The following IGFBP2 variants were observed in gnomAD, a reference collection of about 807,000 sequenced individuals.
The protein encoded by IGFBP2 is insulin-like growth factor-binding protein 2.
A neutral mutation model predicts 26.2 loss-of-function variants in IGFBP2; 12 were observed. That is an observed-to-expected ratio of 0.46 (90% CI 0.29 to 0.74). The LOEUF (loss-of-function observed/expected upper bound fraction) is 0.74, where lower values mean the gene tolerates loss of function less well. IGFBP2 is among the 30% of genes least tolerant of loss of function. The pLI is 0.09. For synonymous variants in IGFBP2, 189 were observed against 200.6 expected (o/e 0.94, Z 0.49); for missense variants, 328 against 441.2 (o/e 0.74, Z 2.30).
chr2:216,638,417 A>G (rs373547692), intron 1 of IGFBP2, among the ~76,000 whole-genome samples: 5 of 151,824 alleles, frequency 3.3e-5, no homozygotes, highest in African/African-American at 1.2e-4. Context: ...AGGTAGGAGA[A>G]TCGCTTGAAC....
chr2:216,638,835 G>A (rs1040859509), intron 1 of IGFBP2, among the ~76,000 whole-genome samples: 22 of 150,832 alleles, frequency 1.5e-4, no homozygotes, highest in African/African-American at 5.4e-4. Context: ...GAGTAGTTGG[G>A]ACTACAGGCA....
At chr2:216,660,430 G>C in intron 1 of IGFBP2, 127 bp from the exon 2 acceptor site, 1 of 656,672 alleles carries the variant, frequency 1.5e-6, no homozygotes. Context: ...GCCCTGACAG[G>C]CCATCAGCAC....
chr2:216,643,659 A>T (rs1697656135), intron 1 of IGFBP2, among the ~76,000 whole-genome samples: 1 of 150,572 alleles, frequency 6.6e-6, no homozygotes, highest in African/African-American at 2.5e-5. Context: ...ACCATAGCTG[A>T]TGAGCTAAAA....
chr2:216,634,905 T>TG (rs1697463540), intron 1 of IGFBP2, among the ~76,000 whole-genome samples: 1 of 109,520 alleles, frequency 9.1e-6, no homozygotes, highest in Non-Finnish European at 1.9e-5. Flanking sequence ...TTTTTTTTTT[T>TG]TAATTACGAA....
chr2:216,663,643 GTC>G (rs1420647117), intron 3 of IGFBP2: 1 of 310,954 alleles, frequency 3.2e-6, no homozygotes, highest in African/African-American at 2.1e-5. Context: ...TGGGGACTGA[GTC>G]TTTTCATCTT....
At chr2:216,648,712 G>A (rs536202840) in intron 1 of IGFBP2, among the ~76,000 whole-genome samples, 69 of 152,138 alleles carry the variant, frequency 4.5e-4, no homozygotes, top group African/African-American at 1.4e-3. Context: ...GGGTTCAAGC[G>A]ATTCTTCTGC....
At chr2:216,647,411 G>T (rs888203699) in intron 1 of IGFBP2, among the ~76,000 whole-genome samples, 1 of 152,214 alleles carries the variant, frequency 6.6e-6, no homozygotes, top group African/African-American at 2.4e-5. Flanking sequence ...CAGCTTTTTG[G>T]CAATGGACTC....
At chr2:216,658,055 CAGGGTTCATTG>C (rs1697951967) in intron 1 of IGFBP2, among the ~76,000 whole-genome samples, 1 of 152,176 alleles carries the variant, frequency 6.6e-6, no homozygotes, top group Admixed American at 6.5e-5. Flanking sequence ...TGGAAATCCC[CAGGGTTCATTG>C]AGGGGCATTC....
chr2:216,647,542 C>T (rs1697733742), intron 1 of IGFBP2, among the ~76,000 whole-genome samples: 1 of 152,110 alleles, frequency 6.6e-6, no homozygotes, highest in African/African-American at 2.4e-5. Context: ...TATTTTGAGA[C>T]AGAGTCCCCC....
chr2:216,654,589 A>G (rs1050192487), intron 1 of IGFBP2, among the ~76,000 whole-genome samples: 1 of 151,960 alleles, frequency 6.6e-6, no homozygotes, highest in African/African-American at 2.4e-5. Context: ...TGCCTGGTCA[A>G]CTCTTTCATT....
intron 1 of IGFBP2, among the ~76,000 whole-genome samples, chr2:216,634,921 C>T (rs1445203523): frequency 4.1e-5 from 3 of 72,570 alleles, no homozygotes; most frequent in Non-Finnish European, 9.0e-5. Context: ...ACGAAAGCCT[C>T]CTGCCCCAGT....
chr2:216,636,003 A>G (rs9341103), intron 1 of IGFBP2, among the ~76,000 whole-genome samples: 2 of 151,866 alleles, frequency 1.3e-5, no homozygotes, highest in Non-Finnish European at 2.9e-5. Context: ...GAAGTGACCA[A>G]TGTCAGGGGT....
At chr2:216,646,003 A>G (rs1057446433) in intron 1 of IGFBP2, among the ~76,000 whole-genome samples, 13 of 152,256 alleles carry the variant, frequency 8.5e-5, no homozygotes, top group Non-Finnish European at 5.9e-5. Context: ...TTGATGTGAT[A>G]TACTATCAGA....
At chr2:216,659,598 A>C in intron 1 of IGFBP2, 5 of 760,866 alleles carry the variant, frequency 6.6e-6, no homozygotes, top group Non-Finnish European at 9.0e-6. Flanking sequence ...CTTTGGCTGG[A>C]CGTGCCTCAG....
Position 216,633,658 on chromosome 2 carries a change from C to A in IGFBP2, c.135C>A (p.Cys45Ter). The change falls in exon 1 of 4, where the codon TGC (cysteine) becomes TGA (stop). Residue 45 changes from cysteine (C) to a stop codon, truncating the protein, a stop_gained. Coordinates refer to ENST00000233809, the MANE Select transcript of IGFBP2 (RefSeq NM_000597.3). LOFTEE classifies it high-confidence loss of function. ...AGGTGCTGTTCCGCTGCCCGCCCTG[C>A]ACACCCGAGCGCCTGGCCGCCTGCG... ...RAEVLFRCPP[C>*]TPERLAACGP... 1 of 1,094,092 alleles carries A rather than the reference C, an allele frequency of 9.1e-7. No individual in the cohort carries two copies. The highest frequency in any genetic ancestry group is 1.1e-6 in the Non-Finnish European group (1 of 903,418). The allele number at this position is 1,094,092 out of a possible 1,614,324, so 67.8% of individuals were successfully genotyped here.
chr2:216,637,841 A>G (rs1697530051), intron 1 of IGFBP2, among the ~76,000 whole-genome samples: 1 of 152,248 alleles, frequency 6.6e-6, no homozygotes, highest in Non-Finnish European at 1.5e-5. Context: ...CTGAGCTTCA[A>G]GACTTTCAGG....
At position 216,661,902 on chromosome 2, in the gene IGFBP2, C is replaced by T; in HGVS notation, c.717C>T (p.Ser239=). The T allele has an allele frequency of 3.7e-6, 6 of 1,614,234 alleles. No individual in the cohort carries two copies. Among genetic ancestry groups the T allele is most frequent in the Non-Finnish European group, 5.1e-6 (6 of 1,180,036 alleles). Residue 239 remains serine, a synonymous_variant, in exon 3 of 4, where the codon TCC becomes TCT. Transcript: ENST00000233809. ...TGGACCAGGTCCTGGAGCGGATCTCCACCATGCGCCTTCCGGATGAGCGGG... is the reference window on the plus strand; with the variant it reads ...TGGACCAGGTCCTGGAGCGGATCTCTACCATGCGCCTTCCGGATGAGCGGG... The part of the protein sequence containing the change: ...QELDQVLERI[S]TMRLPDERGP...
At chr2:216,640,448 C>T (rs1179728503) in intron 1 of IGFBP2, among the ~76,000 whole-genome samples, 1 of 152,142 alleles carries the variant, frequency 6.6e-6, no homozygotes, top group Admixed American at 6.5e-5. Flanking sequence ...ATTCTAGATC[C>T]CTCTGCTTAT....
intron 1 of IGFBP2, among the ~76,000 whole-genome samples, chr2:216,634,379 C>T (rs1291588347): frequency 3.3e-5 from 5 of 152,008 alleles, no homozygotes; most frequent in African/African-American, 9.7e-5. Context: ...GAGGCGGAGG[C>T]TGCGGGGTGC....
Sources: gnomAD v4.1 joint callset for allele counts (sites outside exome capture counted in the v4.1 genomes callset) on GRCh38, gnomAD v4.1.1 for gene constraint, MANE v1.5 for transcripts, NCBI Gene and HGNC (gene_info 2026-07-23, HGNC 2026-07-21) for gene names.